SMYD4: variants seen among roughly 807,000 people sequenced by gnomAD.
SMYD4 encodes the protein SET and MYND domain containing 4, also known as protein-lysine N-methyltransferase SMYD4.
SMYD4 carries 68 observed loss-of-function variants against 72.8 expected under a neutral mutation model. That is an observed-to-expected ratio of 0.93 (90% confidence interval 0.77 to 1.14). The LOEUF (loss-of-function observed/expected upper bound fraction) is 1.14. SMYD4 is among the 50% of genes most tolerant of loss of function. SMYD4 has a pLI of 0.00. For missense variants in SMYD4, 984 were observed against 1,003.7 expected, an observed-to-expected ratio of 0.98 and a Z score of 0.27; for synonymous variants, 407 against 388.6, an observed-to-expected ratio of 1.05 and a Z score of -0.56.
At chr17:1,792,016 T>C (rs981772763) in intron 5 of SMYD4, among the ~76,000 whole-genome samples, 26 of 151,486 alleles carry the variant, frequency 1.7e-4, no homozygotes, top group African/African-American at 6.3e-4. Context: ...TATAACATGT[T>C]ATCTTTAAAT....
intron 2 of SMYD4, among the ~76,000 whole-genome samples, chr17:1,827,112 C>T (rs1349423494): frequency 6.6e-6 from 1 of 151,878 alleles, no homozygotes; most frequent in South Asian, 2.1e-4. Context: ...GAGATTGTGC[C>T]ACTGCACTCC....
intron 2 of SMYD4, among the ~76,000 whole-genome samples, chr17:1,826,632 C>T (rs1911194457): frequency 1.3e-5 from 2 of 151,908 alleles, no homozygotes; most frequent in Admixed American, 6.6e-5. Context: ...AATTAATATA[C>T]GAGCGCCTAC....
In SMYD4 at chr17:1,804,264, G is replaced by A. The variant is rs188769226; in HGVS notation, c.369+362C>T. On this transcript the variant is annotated intron_variant, in intron 4 of 10. Transcript: ENST00000305513. ...CGGCTCACTGTAACCTCTACCTCCC[G>A]AGTTCGAGTGATTCTCCTGCCTCAG... The A allele has an allele frequency of 1.0e-4, 23 of 220,286 alleles. No homozygotes were observed. In the East Asian group the frequency reaches 1.3e-3, roughly 12 times the overall value. 13.6% of individuals were successfully genotyped at this position (220,286 alleles called of 1,614,324 possible). A position where few individuals can be genotyped will look rare whatever the true frequency, so the allele number is the denominator to read the frequency against.
In SMYD4 at chr17:1,800,771, A is replaced by T. The variant is rs770377357; in HGVS notation, c.623T>A (p.Phe208Tyr). ...MQEKDSLTES[F>Y]PAALAKTLED... Reference sequence around the variant, plus strand: ...AAGGGTTTTGGCCAGAGCTGCTGGGAAGCTTTCTGTGAGACTGTCCTTTTC... The same window carrying T: ...AAGGGTTTTGGCCAGAGCTGCTGGGTAGCTTTCTGTGAGACTGTCCTTTTC... The change falls in exon 5 of 11, where the codon TTC (phenylalanine) becomes TAC (tyrosine). Residue 208 changes from phenylalanine (F) to tyrosine (Y), a missense_variant. Phe to Tyr is a conservative substitution (Grantham distance 22). Transcript: ENST00000305513. 24 of 1,614,024 alleles carry T rather than the reference A, an allele frequency of 1.5e-5. No homozygotes were observed. The highest frequency in any genetic ancestry group is 2.0e-5 in the Non-Finnish European group (24 of 1,180,016).
chr17:1,801,369 G>C (rs1221890772), intron 4 of SMYD4, among the ~76,000 whole-genome samples: 1 of 151,870 alleles, frequency 6.6e-6, no homozygotes, highest in Non-Finnish European at 1.5e-5. Context: ...CTCCTGAGTA[G>C]CTGGGACTAC....
chr17:1,802,553 G>A (rs1187733149), intron 4 of SMYD4, among the ~76,000 whole-genome samples: 2 of 152,052 alleles, frequency 1.3e-5, no homozygotes, highest in Non-Finnish European at 2.9e-5. Flanking sequence ...GTTATAAAGG[G>A]TTCAATGTAT....
chr17:1,791,059 G>T (rs1469495161), intron 5 of SMYD4, among the ~76,000 whole-genome samples: 1 of 149,050 alleles, frequency 6.7e-6, no homozygotes, highest in South Asian at 2.1e-4. Flanking sequence ...CCCGGGAGGT[G>T]GAGCTTGCAG....
chr17:1,802,000 C>A (rs1355262710), intron 4 of SMYD4, among the ~76,000 whole-genome samples: 5 of 151,440 alleles, frequency 3.3e-5, no homozygotes, highest in African/African-American at 4.9e-5. Context: ...AAACAAAAAA[C>A]CAAATACACT....
At position 1,804,325 on chromosome 17, in the gene SMYD4, T is replaced by C. The variant is rs1597383790; in HGVS notation, c.369+301A>G. 3 of 295,912 alleles carry C rather than the reference T, an allele frequency of 1.0e-5. No individual in the cohort carries two copies. The South Asian group carries it at 1.0e-4, about 10-fold the overall frequency. The allele number at this position is 295,912 out of a possible 1,614,324, so 18.3% of individuals were successfully genotyped here. A position where few individuals can be genotyped will look rare whatever the true frequency, so the allele number is the denominator to read the frequency against. On this transcript the variant is annotated intron_variant, in intron 4 of 10. Coordinates refer to ENST00000305513, the MANE Select transcript of SMYD4 (RefSeq NM_052928.3). ...AGCTGGGACTACAGATGCATGCTACTACACCCGGCTAATTTTTATCCCTGT... is the reference window on the plus strand; with the variant it reads ...AGCTGGGACTACAGATGCATGCTACCACACCCGGCTAATTTTTATCCCTGT...
chr17:1,794,513 T>C (rs1241425402), intron 5 of SMYD4, among the ~76,000 whole-genome samples: 1 of 63,130 alleles, frequency 1.6e-5, no homozygotes, highest in African/African-American at 6.3e-5. Context: ...TTTGACATTC[T>C]ATAGTATTTT....
intron 9 of SMYD4, 85 bp from the exon 10 acceptor site, chr17:1,783,243 A>G: frequency 6.2e-7 from 1 of 1,611,822 alleles, no homozygotes; most frequent in Non-Finnish European, 8.5e-7. Context: ...ATGGAACGAG[A>G]GGGGGAGCAC....
intron 2 of SMYD4, among the ~76,000 whole-genome samples, chr17:1,814,053 G>A (rs67551635): frequency 0.35 from 53,230 of 152,136 alleles, 11,372 homozygotes; most frequent in Non-Finnish European, 0.5. Flanking sequence ...GCTCACGCCT[G>A]TAATTCCAGC....
intron 2 of SMYD4, among the ~76,000 whole-genome samples, chr17:1,820,782 T>A (rs1041555907): frequency 2.0e-5 from 3 of 152,180 alleles, no homozygotes; most frequent in Non-Finnish European, 2.9e-5. Flanking sequence ...ATGAAAGGCA[T>A]CTCTTGTGGG....
chr17:1,782,351 C>A (rs72822452), intron 10 of SMYD4: 40,746 of 151,540 alleles, frequency 0.27, 6,088 homozygotes, highest in East Asian at 0.37. Flanking sequence ...GCCAGCAGCA[C>A]CCCCCTTCCA....
intron 3 of SMYD4, among the ~76,000 whole-genome samples, chr17:1,805,927 CTTT>C (rs34177306): frequency 3.6e-5 from 5 of 140,436 alleles, no homozygotes; most frequent in Admixed American, 7.2e-5. Context: ...ACATCAAATT[CTTT>C]TTTTTTTTTT....
chr17:1,824,257 C>T (rs1345607326), intron 2 of SMYD4, among the ~76,000 whole-genome samples: 3 of 152,218 alleles, frequency 2.0e-5, no homozygotes, highest in Admixed American at 6.5e-5. Flanking sequence ...ACAGGAGAAT[C>T]GCTTGAACCC....
intron 6 of SMYD4, among the ~76,000 whole-genome samples, chr17:1,787,181 T>C (rs1459795608): frequency 6.6e-6 from 1 of 152,220 alleles, no homozygotes; most frequent in Non-Finnish European, 1.5e-5. Flanking sequence ...TCCTAGCCCA[T>C]TTTCAGAATA....
At chr17:1,783,582 T>A (rs1300885175) in intron 8 of SMYD4, 106 bp from the exon 9 acceptor site, 8 of 1,495,320 alleles carry the variant, frequency 5.4e-6, no homozygotes, top group Admixed American at 4.5e-5. Context: ...ATGTGGAAAT[T>A]CCCCCTGGCC....
chr17:1,825,317 C>T lies in SMYD4; in HGVS notation c.134+2544G>A, dbSNP rs548401029. Among the ~76,000 whole-genome samples, 287 of 152,212 alleles carry T rather than the reference C, an allele frequency of 1.9e-3. 2 individuals are homozygous for T. The highest frequency in any genetic ancestry group is 6.5e-3 in the African/African-American group (269 of 41,532). Reference sequence around the variant, plus strand: ...TACATCATAACATAATGTTGTACCCCTTAAACGTATATTTTGTCAGTTATA... The same window carrying T: ...TACATCATAACATAATGTTGTACCCTTTAAACGTATATTTTGTCAGTTATA... On this transcript the variant is annotated intron_variant, in intron 2 of 10. Transcript: ENST00000305513.
Sources: gnomAD v4.1 joint callset for allele counts (sites outside exome capture counted in the v4.1 genomes callset) on GRCh38, gnomAD v4.1.1 for gene constraint, MANE v1.5 for transcripts, NCBI Gene and HGNC (gene_info 2026-07-23, HGNC 2026-07-21) for gene names.